The following SEC23IP variants were observed in gnomAD, a reference collection of about 807,000 sequenced individuals.
The protein encoded by SEC23IP is SEC23-interacting protein.
A neutral mutation model predicts 113.4 loss-of-function variants in SEC23IP; 70 were observed. The observed-to-expected ratio is 0.62, with a 90% confidence interval of 0.51 to 0.75. SEC23IP has a LOEUF of 0.75. Ranked by LOEUF, SEC23IP falls within the 30% of genes least tolerant of loss-of-function variation. The pLI is 0.00. For missense variants in SEC23IP, 1,160 were observed against 1,204.9 expected, an observed-to-expected ratio of 0.96 and a Z score of 0.55; for synonymous variants, 398 against 421.0, an observed-to-expected ratio of 0.95 and a Z score of 0.67.
chr10:119,910,804 C>T (rs1854831831), intron 5 of SEC23IP, among the ~76,000 whole-genome samples: 1 of 152,200 alleles, frequency 6.6e-6, no homozygotes, highest in Middle Eastern at 3.4e-3. Flanking sequence ...GCCTCAGCCT[C>T]CCGAGTAGCT....
chr10:119,897,687 A>G (rs1854322227), intron 1 of SEC23IP, among the ~76,000 whole-genome samples: 1 of 152,192 alleles, frequency 6.6e-6, no homozygotes, highest in Non-Finnish European at 1.5e-5. Context: ...ATTTCTTACC[A>G]AGAAAAAAAG....
intron 2 of SEC23IP, among the ~76,000 whole-genome samples, chr10:119,901,014 T>C (rs1564905738): frequency 7.0e-6 from 1 of 143,840 alleles, no homozygotes; most frequent in African/African-American, 2.6e-5. Flanking sequence ...TTTTTTTCTT[T>C]TTCTTCTTCT....
intron 13 of SEC23IP, among the ~76,000 whole-genome samples, chr10:119,927,192 C>T (rs1237856930): frequency 6.6e-6 from 1 of 152,216 alleles, no homozygotes; most frequent in African/African-American, 2.4e-5. Context: ...GCTACTGCAT[C>T]GGGCCTCCAG....
intron 12 of SEC23IP, among the ~76,000 whole-genome samples, chr10:119,924,837 G>A (rs1855369178): frequency 6.6e-6 from 1 of 152,092 alleles, no homozygotes; most frequent in Admixed American, 6.5e-5. Flanking sequence ...GAGTGCAGTG[G>A]CGCACGCATG....
intron 18 of SEC23IP, among the ~76,000 whole-genome samples, chr10:119,935,318 G>T (rs1009940779): frequency 6.6e-6 from 1 of 152,036 alleles, no homozygotes; most frequent in Non-Finnish European, 1.5e-5. Flanking sequence ...AAAATTAGCC[G>T]GGCATGGTAG....
At chr10:119,914,270 A>C (rs1854970824) in intron 6 of SEC23IP, among the ~76,000 whole-genome samples, 1 of 152,208 alleles carries the variant, frequency 6.6e-6, no homozygotes, top group African/African-American at 2.4e-5. Flanking sequence ...CTTCTGTACT[A>C]TTACTTAAGA....
chr10:119,929,607 G>A lies in SEC23IP; in HGVS notation c.2314G>A (p.Val772Ile). 6.2e-7 allele frequency: 1 copy of A among 1,603,872 alleles called. No individual in the cohort carries two copies. The highest frequency in any genetic ancestry group is 2.2e-5 in the East Asian group (1 of 44,800). ...TTCATTGTTATTTGATTCTTTCCAG[G>A]TTTCTGTTGCTTACAACTCATTAGA... The part of the protein sequence containing the change: ...YESFEVGAGQ[V>I]SVAYNSLDFE... Residue 772 changes from valine (V) to isoleucine (I), a missense_variant and splice_region_variant, in exon 14 of 19, where the codon GTT becomes ATT. Transcript: ENST00000369075.
rs777371616 is a variant in SEC23IP at position 119,912,119 on chromosome 10, G to A, written c.1267G>A (p.Val423Ile). 14 of 1,614,014 alleles carry A rather than the reference G, an allele frequency of 8.7e-6. No individual in the cohort carries two copies. The highest frequency in any genetic ancestry group is 1.1e-5 in the Non-Finnish European group (13 of 1,180,014). Residue 423 changes from valine to isoleucine, a missense_variant, in exon 6 of 19, where the codon GTT (valine) becomes ATT (isoleucine). Transcript: ENST00000369075. ...GCAAGATGGACAGACAAGGCCCAGG[G>A]TTGTAAAGCGTGGAATTGATGATAA... ...TTQDGQTRPRVVKRGIDDNLD... is the reference protein window; with the variant it reads ...TTQDGQTRPRIVKRGIDDNLD...
chr10:119,897,629 A>G (rs1301791513), intron 1 of SEC23IP, among the ~76,000 whole-genome samples: 4 of 152,194 alleles, frequency 2.6e-5, no homozygotes, highest in Non-Finnish European at 4.4e-5. Context: ...TGTTATCACT[A>G]TAGAAATAAA....
intron 16 of SEC23IP, 117 bp from the exon 17 acceptor site, chr10:119,932,888 G>C: frequency 1.2e-6 from 1 of 814,166 alleles, no homozygotes; most frequent in Non-Finnish European, 1.9e-6. Flanking sequence ...GAGCCTGGTA[G>C]CTCCTCAGGT....
chr10:119,926,298 T>C, intron 13 of SEC23IP, 71 bp downstream of exon 13: 1 of 1,344,974 alleles, frequency 7.4e-7, no homozygotes, highest in Non-Finnish European at 1.0e-6. Context: ...TGGGTTGGCT[T>C]TAAGTTCTTT....
chr10:119,893,505 A>C (rs1335401000), intron 1 of SEC23IP, among the ~76,000 whole-genome samples: 1 of 144,078 alleles, frequency 6.9e-6, no homozygotes, highest in Non-Finnish European at 1.5e-5. Flanking sequence ...TATACAATGC[A>C]TTCCTTATCT....
intron 6 of SEC23IP, among the ~76,000 whole-genome samples, chr10:119,914,236 G>T (rs924246298): frequency 3.3e-5 from 5 of 152,244 alleles, no homozygotes; most frequent in Non-Finnish European, 7.3e-5. Flanking sequence ...GCCATTGCCT[G>T]CTTTGGTGTA....
Position 119,892,938 on chromosome 10 carries a change from A to C in SEC23IP, c.156A>C (p.Leu52Phe). Residue 52 changes from leucine (L) to phenylalanine (F), a missense_variant, in exon 1 of 19, where the codon TTA becomes TTC. Physicochemically the swap from Leu to Phe is conservative, Grantham distance 22. Transcript: ENST00000369075. ...CCGCTTCTCCGGCCTCCCTGCTCTT[A>C]CCGGGAGGTAATAAGGGGAGGGCGG... ...QASASPASLL[L>F]PGEDSTDVGE... 1 of 1,611,292 alleles carries C rather than the reference A, an allele frequency of 6.2e-7. No individual in the cohort carries two copies. Among genetic ancestry groups the C allele is most frequent in the Non-Finnish European group, 8.5e-7 (1 of 1,178,704 alleles).
chr10:119,919,522 G>T lies in SEC23IP; in HGVS notation c.1951G>T (p.Glu651Ter). 6.2e-7 allele frequency: 1 copy of T among 1,613,684 alleles called. No homozygotes were observed. The highest frequency in any genetic ancestry group is 8.5e-7 in the Non-Finnish European group (1 of 1,179,814). The change falls in exon 11 of 19, where the codon GAA becomes TAA. Residue 651 changes from glutamate to a stop codon, truncating the protein, a stop_gained. Coordinates refer to ENST00000369075, the MANE Select transcript of SEC23IP (RefSeq NM_007190.4). LOFTEE classifies it high-confidence loss of function. ...AAATAAAGAAGTCCTAACTTTGCAA[G>T]AAACTCTGGAAGCACTTAGCCTCTC... ...VENKEVLTLQ[E>*]TLEALSLSEY...
At chr10:119,905,531 A>G (rs1564908757) in intron 4 of SEC23IP, among the ~76,000 whole-genome samples, 1 of 152,188 alleles carries the variant, frequency 6.6e-6, no homozygotes, top group Non-Finnish European at 1.5e-5. Flanking sequence ...AGGAAACTCA[A>G]ACCAGATCAG....
chr10:119,906,519 A>G (rs60214424), intron 4 of SEC23IP, among the ~76,000 whole-genome samples: 16,293 of 151,834 alleles, frequency 0.11, 929 homozygotes, highest in South Asian at 0.17. Context: ...TGAAATCTTT[A>G]CCAGATAATA....
intron 16 of SEC23IP, 59 bp from the exon 17 acceptor site, chr10:119,932,946 A>G (rs533594759): frequency 6.9e-5 from 104 of 1,498,238 alleles, no homozygotes; most frequent in South Asian, 1.6e-4. Context: ...AAAGTCAGCT[A>G]AAGTCAAAGG....
chr10:119,926,229 T>A lies in SEC23IP; in HGVS notation c.2313+2T>A. ...TCTTTTGAAGTTGGCGCCGGACAGGTGAGTTTACATATTGACTGGGGCTAC... is the reference window on the plus strand; with the variant it reads ...TCTTTTGAAGTTGGCGCCGGACAGGAGAGTTTACATATTGACTGGGGCTAC... On this transcript the variant is annotated splice_donor_variant, in intron 13 of 18. Coordinates refer to ENST00000369075, the MANE Select transcript of SEC23IP (RefSeq NM_007190.4). LOFTEE classifies it high-confidence loss of function. 1 of 1,613,632 alleles carries A rather than the reference T, an allele frequency of 6.2e-7. No individual in the cohort carries two copies. Among genetic ancestry groups the A allele is most frequent in the Non-Finnish European group, 8.5e-7 (1 of 1,179,670 alleles).
Sources: gnomAD v4.1 joint callset for allele counts (sites outside exome capture counted in the v4.1 genomes callset) on GRCh38, gnomAD v4.1.1 for gene constraint, MANE v1.5 for transcripts, NCBI Gene and HGNC (gene_info 2026-07-23, HGNC 2026-07-21) for gene names.